SLC30A8: variants seen among roughly 807,000 people sequenced by gnomAD.
The protein encoded by SLC30A8 is solute carrier family 30 member 8.
Under a neutral mutation model 36.9 loss-of-function variants are expected in SLC30A8, and 27 were observed. The ratio of observed to expected loss-of-function variants is 0.73; its 90% confidence interval spans 0.54 to 1.01. The LOEUF (loss-of-function observed/expected upper bound fraction) is 1.01, where lower values mean the gene tolerates loss of function less well. SLC30A8 is among the 50% of genes least tolerant of loss of function. The pLI is 0.00. For missense variants in SLC30A8, 439 were observed against 452.0 expected, an observed-to-expected ratio of 0.97 and a Z score of 0.26; for synonymous variants, 164 against 172.4, an observed-to-expected ratio of 0.95 and a Z score of 0.38.
chr8:116,977,389 G>A (rs1422649385), intron 1 of SLC30A8, among the ~76,000 whole-genome samples: 5 of 149,408 alleles, frequency 3.3e-5, no homozygotes, highest in Non-Finnish European at 7.4e-5. Flanking sequence ...TCCTGACCTC[G>A]TGATTCGCCT....
chr8:117,095,453 GT>G (rs34612160), intron 2 of SLC30A8, among the ~76,000 whole-genome samples: 18 of 150,376 alleles, frequency 1.2e-4, no homozygotes, highest in East Asian at 3.9e-4. Flanking sequence ...TGAGGACAGG[GT>G]TTTTTTTTGC....
At chr8:116,970,405 G>A (rs1814752835) in intron 1 of SLC30A8, among the ~76,000 whole-genome samples, 1 of 152,132 alleles carries the variant, frequency 6.6e-6, no homozygotes. Context: ...ACACTTAAGT[G>A]ACAATAAAAG....
chr8:117,068,344 T>C (rs1446080706), intron 2 of SLC30A8, among the ~76,000 whole-genome samples: 3 of 152,136 alleles, frequency 2.0e-5, no homozygotes. Flanking sequence ...AGAAACAGCT[T>C]TAGGTTCAGA....
At chr8:117,131,985 A>G (rs1014447922), upstream of SLC30A8, among the ~76,000 whole-genome samples, 2 of 152,006 alleles carry the variant, frequency 1.3e-5, no homozygotes, top group Non-Finnish European at 2.9e-5. Context: ...GAAAACCCAT[A>G]TATTAAACCA....
intron 2 of SLC30A8, among the ~76,000 whole-genome samples, chr8:117,064,599 A>G (rs759699999): frequency 1.3e-5 from 2 of 152,238 alleles, no homozygotes; most frequent in Non-Finnish European, 2.9e-5. Context: ...TGATCAAAGT[A>G]AGAGAACCTG....
intron 2 of SLC30A8, among the ~76,000 whole-genome samples, chr8:117,114,037 T>C (rs902241331): frequency 1.3e-5 from 2 of 152,106 alleles, no homozygotes; most frequent in African/African-American, 2.4e-5. Flanking sequence ...CTCCCAGATG[T>C]TGGAGAACAG....
At chr8:117,108,076 AT>A (rs1820071925) in intron 2 of SLC30A8, among the ~76,000 whole-genome samples, 1 of 152,184 alleles carries the variant, frequency 6.6e-6, no homozygotes, top group Non-Finnish European at 1.5e-5. Context: ...ATAATATCTT[AT>A]TTCGATGAGT....
intron 1 of SLC30A8, among the ~76,000 whole-genome samples, chr8:116,979,764 A>C (rs995905319): frequency 1.3e-5 from 2 of 152,190 alleles, no homozygotes; most frequent in Admixed American, 6.5e-5. Context: ...GGCATTTGCA[A>C]GATGTCGCTA....
intron 1 of SLC30A8, among the ~76,000 whole-genome samples, chr8:117,006,646 T>G (rs1586388744): frequency 1.3e-5 from 2 of 152,192 alleles, no homozygotes; most frequent in Non-Finnish European, 1.5e-5. Flanking sequence ...GGCTGGTGCG[T>G]CATCAGTCTA....
intron 2 of SLC30A8, among the ~76,000 whole-genome samples, chr8:117,064,322 T>G (rs190065432): frequency 2.0e-5 from 3 of 152,234 alleles, no homozygotes; most frequent in Admixed American, 6.5e-5. Context: ...GAGTGTTTAT[T>G]CAAGAAGACT....
rs778095166 is a variant in SLC30A8, at chr8:117,157,844, T to C, written c.572T>C (p.Val191Ala). The C allele has an allele frequency of 1.2e-6, 2 of 1,613,838 alleles. No individual in the cohort carries two copies. Among genetic ancestry groups the C allele is most frequent in the African/African-American group, 1.3e-5 (1 of 74,902 alleles). The part of the protein sequence containing the change: ...VSSCAVAANI[V>A]LTVVLHQRCL... The stretch of plus-strand genomic sequence containing the variant: ...AGCTGCGCAGTGGCGGCCAACATTG[T>C]GTAAGTCATCCCCTGGTCCCCACAC... Residue 191 changes from valine (V) to alanine (A), a missense_variant and splice_region_variant, in exon 4 of 8, where the codon GTA becomes GCA. Val to Ala is a moderately conservative substitution (Grantham distance 64, BLOSUM62 0). Transcript: ENST00000456015.
At chr8:117,108,566 A>T (rs111894721) in intron 2 of SLC30A8, among the ~76,000 whole-genome samples, 44 of 152,256 alleles carry the variant, frequency 2.9e-4, no homozygotes, top group African/African-American at 9.1e-4. Flanking sequence ...TAACGATCCT[A>T]AAAAAAGATG....
chr8:117,150,410 C>G (rs1351554219), intron 2 of SLC30A8, among the ~76,000 whole-genome samples: 1 of 152,164 alleles, frequency 6.6e-6, no homozygotes, highest in Non-Finnish European at 1.5e-5. Context: ...CATCGTTCCT[C>G]TGCTCTATTG....
chr8:117,079,212 G>T (rs538184172), intron 2 of SLC30A8, among the ~76,000 whole-genome samples: 2 of 152,114 alleles, frequency 1.3e-5, no homozygotes, highest in South Asian at 4.2e-4. Flanking sequence ...GTTTCGCCTT[G>T]TTGGCCAGGC....
rs967087873 is a variant in SLC30A8, at chr8:117,032,968, C to T, written c.-265-6251C>T. On this transcript the variant is annotated intron_variant, in intron 1 of 10. Coordinates refer to the SLC30A8 transcript ENST00000427715. ...GTCTTGCTTGTGTGGAATGTTCCTG[C>T]TGTAGCTAATGTCAGAGGAACCTCT... is the stretch of plus-strand genomic sequence containing the variant. 4.6e-5 allele frequency among the ~76,000 whole-genome samples: 7 copies of T among 152,094 alleles called. No homozygotes were observed. In the South Asian group the frequency reaches 8.3e-4, roughly 18 times the overall value.
At chr8:116,981,784 G>A (rs934551804) in intron 1 of SLC30A8, among the ~76,000 whole-genome samples, 3 of 152,126 alleles carry the variant, frequency 2.0e-5, no homozygotes, top group African/African-American at 7.2e-5. Flanking sequence ...TCCATGGTGT[G>A]TATGTACTAC....
chr8:117,153,806 C>A (rs1215529996), intron 3 of SLC30A8, among the ~76,000 whole-genome samples: 3 of 151,692 alleles, frequency 2.0e-5, no homozygotes, highest in Non-Finnish European at 4.4e-5. Context: ...AAAGCAAACA[C>A]GTGCTGAAAC....
At chr8:117,167,342 A>G (rs1228357720) in intron 6 of SLC30A8, among the ~76,000 whole-genome samples, 2 of 152,120 alleles carry the variant, frequency 1.3e-5, no homozygotes, top group African/African-American at 4.8e-5. Context: ...AGTAAAATTT[A>G]AAAATAATAC....
chr8:117,148,851 A>C (rs1248847768), intron 2 of SLC30A8, among the ~76,000 whole-genome samples: 1 of 152,096 alleles, frequency 6.6e-6, no homozygotes, highest in Non-Finnish European at 1.5e-5. Context: ...CTAAATAGTT[A>C]CTTTTTGTAT....
Sources: allele counts gnomAD v4.1 joint callset (sites outside exome capture counted in the v4.1 genomes callset), GRCh38; gene constraint gnomAD v4.1.1; transcripts MANE v1.5; gene names NCBI Gene and HGNC (gene_info 2026-07-23, HGNC 2026-07-21).